The following MNAT1 variants were observed in gnomAD, a reference collection of about 807,000 sequenced individuals.
MNAT1 encodes CDK-activating kinase assembly factor MAT1.
Under a neutral mutation model 42.0 loss-of-function variants are expected in MNAT1, and 43 were observed. The observed-to-expected ratio is 1.02, with a 90% confidence interval of 0.80 to 1.32. The LOEUF (loss-of-function observed/expected upper bound fraction) is 1.32. Ranked by LOEUF, MNAT1 falls within the 40% of genes most tolerant of loss-of-function variation. MNAT1 has a pLI of 0.00. For synonymous variants in MNAT1, 118 were observed against 120.0 expected (o/e 0.98, Z 0.11); for missense variants, 306 against 350.4 (o/e 0.87, Z 1.01).
At chr14:60,827,327 G>A (rs1217632159) in intron 6 of MNAT1, among the ~76,000 whole-genome samples, 1 of 152,062 alleles carries the variant, frequency 6.6e-6, no homozygotes. Context: ...TTATCTATGG[G>A]TGAGCCAGAA....
intron 1 of MNAT1, among the ~76,000 whole-genome samples, chr14:60,787,576 C>T (rs569978026): frequency 3.7e-4 from 56 of 152,252 alleles, no homozygotes; most frequent in Non-Finnish European, 7.2e-4. Flanking sequence ...TTCCCTGGAG[C>T]ATGTGATGCT....
chr14:60,788,381 T>C (rs923071867), intron 1 of MNAT1, among the ~76,000 whole-genome samples: 2 of 152,158 alleles, frequency 1.3e-5, no homozygotes, highest in African/African-American at 4.8e-5. Flanking sequence ...GCACAGGCAG[T>C]ATAGATTTAG....
At chr14:60,761,741 T>C (rs1002330189) in intron 1 of MNAT1, among the ~76,000 whole-genome samples, 1 of 152,198 alleles carries the variant, frequency 6.6e-6, no homozygotes. Flanking sequence ...GCCAAACATA[T>C]TCATAGTTAC....
chr14:60,827,349 A>G (rs1468971047), intron 6 of MNAT1, among the ~76,000 whole-genome samples: 1 of 152,130 alleles, frequency 6.6e-6, no homozygotes, highest in Non-Finnish European at 1.5e-5. Context: ...GGAGCAGAGT[A>G]CTCATTTGTG....
chr14:60,830,580 G>C (rs1248669288), intron 6 of MNAT1, among the ~76,000 whole-genome samples: 1 of 152,128 alleles, frequency 6.6e-6, no homozygotes, highest in Non-Finnish European at 1.5e-5. Context: ...TTCCTGCGAT[G>C]ATTTTTAATG....
chr14:60,920,969 C>A (rs1050907131), intron 7 of MNAT1, among the ~76,000 whole-genome samples: 2 of 152,120 alleles, frequency 1.3e-5, no homozygotes, highest in Non-Finnish European at 2.9e-5. Flanking sequence ...GGTAATTTAT[C>A]GTTATCATGT....
At chr14:60,927,017 T>C (rs1234183415) in intron 7 of MNAT1, among the ~76,000 whole-genome samples, 1 of 152,180 alleles carries the variant, frequency 6.6e-6, no homozygotes, top group Non-Finnish European at 1.5e-5. Flanking sequence ...CAAAAGATTC[T>C]CCTTGCCACC....
intron 1 of MNAT1, among the ~76,000 whole-genome samples, chr14:60,768,979 A>G (rs1241134923): frequency 1.3e-5 from 2 of 152,224 alleles, no homozygotes; most frequent in African/African-American, 2.4e-5. Context: ...ATTTTTTTGC[A>G]TACAAAAAGT....
In MNAT1 at chr14:60,920,534, C is replaced by T. The variant is rs192444279; in HGVS notation, c.809+40699C>T. Among the ~76,000 whole-genome samples, 351 of 152,226 alleles carry T rather than the reference C, an allele frequency of 2.3e-3. 1 individual carries two copies. Among genetic ancestry groups the T allele is most frequent in the Admixed American group, 0.015 (233 of 15,290 alleles). The stretch of plus-strand genomic sequence containing the variant: ...TCCTGGGTGCAAGCAATTCTCCTGC[C>T]TCAGCCTCCTGAGTAGCTGGGATTA... On this transcript the variant is annotated intron_variant, in intron 7 of 7. Coordinates refer to ENST00000261245, the MANE Select transcript of MNAT1 (RefSeq NM_002431.4).
intron 7 of MNAT1, among the ~76,000 whole-genome samples, chr14:60,891,790 A>T (rs757428062): frequency 6.6e-6 from 1 of 152,100 alleles, no homozygotes; most frequent in Non-Finnish European, 1.5e-5. Context: ...ACTCATAGCT[A>T]TAAATTTTCC....
intron 7 of MNAT1, among the ~76,000 whole-genome samples, chr14:60,897,829 T>C (rs899344387): frequency 6.6e-6 from 1 of 152,170 alleles, no homozygotes; most frequent in African/African-American, 2.4e-5. Flanking sequence ...TTATTGAACA[T>C]TAGAACTTAT....
intron 1 of MNAT1, among the ~76,000 whole-genome samples, chr14:60,776,573 G>A (rs562711890): frequency 1.2e-4 from 19 of 152,146 alleles, no homozygotes; most frequent in African/African-American, 2.9e-4. Context: ...ACTGTCCTGG[G>A]GGGGGAGGAG....
chr14:60,765,931 A>G (rs1301247524), intron 1 of MNAT1, among the ~76,000 whole-genome samples: 1 of 151,924 alleles, frequency 6.6e-6, no homozygotes, highest in Non-Finnish European at 1.5e-5. Context: ...ATCTTGACTT[A>G]TAAAATTAAA....
intron 6 of MNAT1, among the ~76,000 whole-genome samples, chr14:60,877,548 G>A (rs2139459685): frequency 6.6e-6 from 1 of 152,112 alleles, no homozygotes; most frequent in South Asian, 2.1e-4. Flanking sequence ...ACTAAGGGAT[G>A]TAGCAACAAA....
At chr14:60,890,291 A>G (rs1199446701) in intron 7 of MNAT1, among the ~76,000 whole-genome samples, 1 of 152,188 alleles carries the variant, frequency 6.6e-6, no homozygotes, top group Admixed American at 6.6e-5. Flanking sequence ...CATCCCAGGC[A>G]TAAATTTACG....
intron 7 of MNAT1, among the ~76,000 whole-genome samples, chr14:60,952,685 T>G (rs549169687): frequency 1.1e-4 from 16 of 152,218 alleles, no homozygotes; most frequent in Non-Finnish European, 1.5e-5. Flanking sequence ...AAATATTATC[T>G]TTGTAGTGCC....
chr14:60,914,967 A>G (rs775382512), intron 7 of MNAT1, among the ~76,000 whole-genome samples: 2 of 152,230 alleles, frequency 1.3e-5, no homozygotes, highest in African/African-American at 2.4e-5. Context: ...GGACTAGATG[A>G]CCAGCCAGCG....
intron 7 of MNAT1, among the ~76,000 whole-genome samples, chr14:60,921,715 C>G (rs1234191640): frequency 6.6e-6 from 1 of 152,090 alleles, no homozygotes; most frequent in African/African-American, 2.4e-5. Context: ...CCAAAGTAGT[C>G]ATTATTCTGA....
Position 60,969,325 on chromosome 14 carries a change from G to T in MNAT1, c.*976G>T, listed in dbSNP as rs1008475938. The T allele has an allele frequency of 2.0e-5, 3 of 152,146 alleles. No homozygotes were observed. Among genetic ancestry groups the T allele is most frequent in the Non-Finnish European group, 4.4e-5 (3 of 68,004 alleles). 9.4% of individuals were successfully genotyped at this position (152,146 alleles called of 1,614,324 possible). On this transcript the variant is annotated 3_prime_UTR_variant, in exon 8 of 8. Coordinates refer to ENST00000261245, the MANE Select transcript of MNAT1 (RefSeq NM_002431.4). ...ATATAGTTTCTTAAGGAAATTAAGGGATTTCCTATCAAATCTCTATTACAA... is the reference window on the plus strand; with the variant it reads ...ATATAGTTTCTTAAGGAAATTAAGGTATTTCCTATCAAATCTCTATTACAA...
Sources: allele counts gnomAD v4.1 joint callset (sites outside exome capture counted in the v4.1 genomes callset), GRCh38; gene constraint gnomAD v4.1.1; transcripts MANE v1.5; gene names NCBI Gene and HGNC (gene_info 2026-07-23, HGNC 2026-07-21).